Variants in GCDH observed in about 807,000 individuals in gnomAD.
GCDH encodes the protein glutaryl-CoA dehydrogenase, mitochondrial.
Under a neutral mutation model 52.8 loss-of-function variants are expected in GCDH, and 31 were observed. The ratio of observed to expected loss-of-function variants is 0.59; its 90% CI spans 0.44 to 0.79. The LOEUF is 0.79. GCDH is among the 30% of genes least tolerant of loss of function. The pLI is 0.00. For missense variants in GCDH, 509 were observed against 595.0 expected (o/e 0.86, Z 1.50); for synonymous variants, 242 against 250.0 (o/e 0.97, Z 0.30).
rs745657713 is a variant in GCDH at position 12,899,449 on chromosome 19, CTG to C, written c.1244-17_1244-16del. The C allele has an allele frequency of 1.6e-5, 26 of 1,614,136 alleles. No individual in the cohort carries two copies. The highest frequency in any genetic ancestry group is 2.1e-5 in the Non-Finnish European group (25 of 1,180,000). ...GAGCTATGAAAACTCCAAACCGACT[CTG>C]TATTAATCTTGTCCAGGTACACATG... On this transcript the variant is annotated splice_polypyrimidine_tract_variant and intron_variant, in intron 11 of 11. Transcript: ENST00000222214.
In GCDH at chr19:12,891,352, C is replaced by G. The variant is rs1436850883; in HGVS notation, c.48C>G (p.Gly16=). 3.1e-6 allele frequency: 5 copies of G among 1,613,218 alleles called. No individual in the cohort carries two copies. Among genetic ancestry groups the G allele is most frequent in the Non-Finnish European group, 3.4e-6 (4 of 1,180,016 alleles). The part of the protein sequence containing the change: ...VSVRLLSRGP[G]LHVLRTWVSS... ...TGCGGCTGCTGAGCCGCGGACCCGGCCTGCACGTCCTTCGCACGTGGGTCT... is the reference window on the plus strand; with the variant it reads ...TGCGGCTGCTGAGCCGCGGACCCGGGCTGCACGTCCTTCGCACGTGGGTCT... Residue 16 remains glycine (G), a synonymous_variant, in exon 2 of 12, where the codon GGC becomes GGG. Transcript: ENST00000222214.
rs1239198957 is a variant in GCDH, at chr19:12,893,583, C to T, written c.435C>T (p.Ser145=). Residue 145 remains serine (S), a synonymous_variant, in exon 6 of 12, where the codon TCC becomes TCT. Transcript: ENST00000222214. ...ACAGGTCGGCGATGAGTGTCCAGTC[C>T]TCCCTCGTCATGCACCCTATCTATG... ...SGYRSAMSVQ[S]SLVMHPIYAY... 3.7e-6 allele frequency: 6 copies of T among 1,613,854 alleles called. No individual in the cohort carries two copies. The Admixed American group carries it at 1.0e-4, about 27-fold the overall frequency.
intron 6 of GCDH, 53 bp downstream of exon 6, chr19:12,893,706 G>A (rs1320923897): frequency 2.9e-5 from 44 of 1,504,634 alleles, no homozygotes; most frequent in Non-Finnish European, 3.9e-5. Flanking sequence ...CTGAGGTCTG[G>A]AACTCAAGGG....
At chr19:12,892,237 CTCCT>C in intron 5 of GCDH, 59 bp downstream of exon 5, 1 of 1,308,760 alleles carries the variant, frequency 7.6e-7, no homozygotes, top group Non-Finnish European at 1.1e-6. Flanking sequence ...AAGCCTCTTC[CTCCT>C]TCCCTCCCTC....
chr19:12,894,265 T>G, intron 6 of GCDH: 2 of 953,244 alleles, frequency 2.1e-6, no homozygotes, highest in African/African-American at 3.2e-5. Context: ...GGGTGAAGAA[T>G]GGAAGGGTTA....
intron 10 of GCDH, 89 bp from the exon 11 acceptor site, chr19:12,897,614 T>G: frequency 6.5e-7 from 1 of 1,535,466 alleles, no homozygotes. Context: ...CTTGGCTGCA[T>G]CAGGGAATCC....
Position 12,897,514 on chromosome 19 carries a change from C to T in GCDH, c.1082+86C>T, listed in dbSNP as rs1970713342. 7 of 1,530,194 alleles carry T rather than the reference C, an allele frequency of 4.6e-6. No homozygotes were observed. The Admixed American group carries it at 1.2e-4, about 26-fold the overall frequency. 94.8% of individuals were successfully genotyped at this position (1,530,194 alleles called of 1,614,324 possible). On this transcript the variant is annotated intron_variant, in intron 10 of 11. Transcript: ENST00000222214. ...TCCTGGAGAGAAAGGTCCTTCCTGC[C>T]TGGTGGCCCTGGGGACCTGAACCTT...
At chr19:12,897,657 G>A in intron 10 of GCDH, 46 bp from the exon 11 acceptor site, 1 of 1,610,196 alleles carries the variant, frequency 6.2e-7, no homozygotes, top group Non-Finnish European at 8.5e-7. Flanking sequence ...GGAGCATCGG[G>A]ATGCCAGGAT....
chr19:12,899,435 A>G (rs1313968927), intron 11 of GCDH, 33 bp from the exon 12 acceptor site: 1 of 1,613,126 alleles, frequency 6.2e-7, no homozygotes, highest in Non-Finnish European at 8.5e-7. Flanking sequence ...AGCTATGAAA[A>G]CTCCAAACCG....
At position 12,892,169 on chromosome 19, in the gene GCDH, A is replaced by G. The variant is rs1419527696; in HGVS notation, c.325A>G (p.Thr109Ala). Reference sequence around the variant, plus strand: ...GGGGGAGTTGGGTGTGCTGGGCCCCACCATCAAAGGTAGGAACAAGTATCT... The same window carrying G: ...GGGGGAGTTGGGTGTGCTGGGCCCCGCCATCAAAGGTAGGAACAAGTATCT... ...EMGELGVLGP[T>A]IKGYGCAGVS... Residue 109 changes from threonine to alanine, a missense_variant, in exon 5 of 12, where the codon ACC becomes GCC. Coordinates refer to ENST00000222214, the MANE Select transcript of GCDH (RefSeq NM_000159.4). 1.2e-6 allele frequency: 2 copies of G among 1,613,820 alleles called. No homozygotes were observed. Among genetic ancestry groups the G allele is most frequent in the East Asian group, 2.2e-5 (1 of 44,888 alleles).
chr19:12,892,311 CAA>C (rs386806944), intron 5 of GCDH, 133 bp downstream of exon 5: 10,201 of 864,452 alleles, frequency 0.012, 64 homozygotes, highest in African/African-American at 0.037. Context: ...TCTTCCCCCC[CAA>C]CAGAGTCTGG....
rs200639270 is a variant in GCDH at position 12,893,543 on chromosome 19, G to A, written c.395G>A (p.Arg132Gln). ...GGGCTCCTGGCCCGAGAGCTGGAGCGGGTGGACAGTGGCTACAGGTCGGCG... is the reference window on the plus strand; with the variant it reads ...GGGCTCCTGGCCCGAGAGCTGGAGCAGGTGGACAGTGGCTACAGGTCGGCG... ...AYGLLARELE[R>Q]VDSGYRSAMS... Residue 132 changes from arginine to glutamine, a missense_variant, in exon 6 of 12, where the codon CGG (arginine) becomes CAG (glutamine). Physicochemically the swap from Arg to Gln is conservative, Grantham distance 43 (BLOSUM62 1). Coordinates refer to ENST00000222214, the MANE Select transcript of GCDH (RefSeq NM_000159.4). 15 of 1,613,826 alleles carry A rather than the reference G, an allele frequency of 9.3e-6. No homozygotes were observed. The highest frequency in any genetic ancestry group is 2.2e-5 in the East Asian group (1 of 44,868).
rs1213049909 is a variant in GCDH, at chr19:12,896,518, T to C, written c.852+97T>C. On this transcript the variant is annotated intron_variant, in intron 8 of 11. Coordinates refer to ENST00000222214, the MANE Select transcript of GCDH (RefSeq NM_000159.4). This position sits in a 1 kb window ranked among gnomAD's most constrained non-coding sequence, Gnocchi z 5.5. ...CTGGGGACGCGGCTCCCTGTGCCTG[T>C]GGAGCCCACACAGTGGTGATTCTTA... 1.1e-6 allele frequency: 1 copy of C among 930,576 alleles called. No homozygotes were observed. The highest frequency in any genetic ancestry group is 1.7e-6 in the Non-Finnish European group (1 of 591,580). The allele number at this position is 930,576 out of a possible 1,614,324, so 57.6% of individuals were successfully genotyped here.
rs952257144 is a variant in GCDH, at chr19:12,891,190, G to A, written c.-47G>A. 1.3e-5 allele frequency: 10 copies of A among 774,618 alleles called. No individual in the cohort carries two copies. The highest frequency in any genetic ancestry group is 4.0e-5 in the Admixed American group (2 of 49,728). The allele number at this position is 774,618 out of a possible 1,614,324, so 48.0% of individuals were successfully genotyped here. A position where few individuals can be genotyped will look rare whatever the true frequency, so the allele number is the denominator to read the frequency against. ...CACTGTAGCCTCGGCAGTGAACCGG[G>A]AGGTACTACCAGGTAAGGAAGGTGC... On this transcript the variant is annotated 5_prime_UTR_variant, in exon 1 of 12. Transcript: ENST00000222214.
chr19:12,892,114 A>C lies in GCDH; in HGVS notation c.272-2A>C, dbSNP rs1555749369. On this transcript the variant is annotated splice_acceptor_variant, in intron 4 of 11. Coordinates refer to ENST00000222214, the MANE Select transcript of GCDH (RefSeq NM_000159.4). LOFTEE classifies it high-confidence loss of function. ...TGAATTTGGGCACTGGTCCCTTTGCAGTTTTTCATCGGGAGATCATTTCGG... is the reference window on the plus strand; with the variant it reads ...TGAATTTGGGCACTGGTCCCTTTGCCGTTTTTCATCGGGAGATCATTTCGG... The C allele has an allele frequency of 1.2e-6, 2 of 1,614,092 alleles. No individual in the cohort carries two copies. The highest frequency in any genetic ancestry group is 1.7e-6 in the Non-Finnish European group (2 of 1,179,984).
chr19:12,899,680 T>G lies in GCDH; in HGVS notation c.*139T>G. ...AGTGAGAGACACTGATTTTTAAATA[T>G]CAAAATTTCCCTTCTGAAGTCGTTC... On this transcript the variant is annotated 3_prime_UTR_variant, in exon 12 of 12. Transcript: ENST00000222214. The G allele has an allele frequency of 6.2e-7, 1 of 1,612,304 alleles. No individual in the cohort carries two copies. Among genetic ancestry groups the G allele is most frequent in the African/African-American group, 1.3e-5 (1 of 75,014 alleles).
chr19:12,892,430 T>C (rs746134073), intron 5 of GCDH: 1 of 575,588 alleles, frequency 1.7e-6, no homozygotes, highest in Non-Finnish European at 3.1e-6. Flanking sequence ...TAGCTGGGAT[T>C]ACAGGTATGT....
rs200081311 is a variant in GCDH, at chr19:12,899,529, G to A, written c.1305G>A (p.Thr435=). Residue 435 remains threonine, a synonymous_variant, in exon 12 of 12, where the codon ACG becomes ACA. Transcript: ENST00000222214. ...CTATCACGGGAATCCAGGCGTTCAC[G>A]GCCAGCAAGTGAGCCGCTCCATCAG... The part of the protein sequence containing the change: ...GRAITGIQAF[T]ASK The A allele has an allele frequency of 4.0e-5, 65 of 1,614,126 alleles. No individual in the cohort carries two copies. Among genetic ancestry groups the A allele is most frequent in the South Asian group, 3.4e-4 (31 of 91,080 alleles).
Position 12,893,184 on chromosome 19 carries a change from G to A in GCDH, c.335-299G>A, listed in dbSNP as rs181168602. On this transcript the variant is annotated intron_variant, in intron 5 of 11. Coordinates refer to ENST00000222214, the MANE Select transcript of GCDH (RefSeq NM_000159.4). ...TTATAAACGTGAGCCACCGTGCCTG[G>A]CCCCTTTGTTTCTTTTTTTAGAGAC... Among the ~76,000 whole-genome samples, 105 of 152,210 alleles carry A rather than the reference G, an allele frequency of 6.9e-4. 2 individuals carry two copies. The highest frequency in any genetic ancestry group is 2.4e-3 in the African/African-American group (99 of 41,532).
Sources: allele counts gnomAD v4.1 joint callset (sites outside exome capture counted in the v4.1 genomes callset), GRCh38; gene constraint gnomAD v4.1.1; non-coding constraint Gnocchi (gnomAD v3.1); transcripts MANE v1.5; gene names NCBI Gene and HGNC (gene_info 2026-07-23, HGNC 2026-07-21).